The following SNHG17 variants were observed in gnomAD, a reference collection of about 807,000 sequenced individuals.
The protein encoded by SNHG17 is small nucleolar RNA host gene 17.
At chr20:38,432,107 CT>C (rs1568864423) in intron 2 of SNHG17, 1 of 985,448 alleles carries the variant, frequency 1.0e-6, no homozygotes, top group Non-Finnish European at 1.2e-6. Context: ...GATGAGCTAT[CT>C]AGACATCACC....
intron 5 of SNHG17, among the ~76,000 whole-genome samples, chr20:38,423,083 A>T (rs2084185725): frequency 6.8e-6 from 1 of 146,370 alleles, no homozygotes; most frequent in Non-Finnish European, 1.5e-5. Context: ...CAAGAGCAAA[A>T]CTCCATCTCA....
intron 2 of SNHG17, among the ~76,000 whole-genome samples, chr20:38,433,410 A>C (rs1406378607): frequency 6.6e-6 from 1 of 152,162 alleles, no homozygotes; most frequent in Non-Finnish European, 1.5e-5. Flanking sequence ...ACTTTGGAAG[A>C]CTGAGGGAAA....
chr20:38,421,962 G>C (rs1319124422), intron 6 of SNHG17: 2 of 152,292 alleles, frequency 1.3e-5, no homozygotes, highest in Non-Finnish European at 2.9e-5. Flanking sequence ...AAAAGGTCAG[G>C]AGCATATGGT....
chr20:38,433,246 G>C (rs981993722), intron 2 of SNHG17, among the ~76,000 whole-genome samples: 1 of 152,160 alleles, frequency 6.6e-6, no homozygotes, highest in Non-Finnish European at 1.5e-5. Context: ...AGAGTGCTGG[G>C]ATTACAGGTG....
At chr20:38,429,782 A>G (rs762584420) in intron 3 of SNHG17, 2 of 517,710 alleles carry the variant, frequency 3.9e-6, no homozygotes, top group South Asian at 2.8e-5. Flanking sequence ...CGGGCAGCTC[A>G]TGATCACTTT....
chr20:38,431,613 G>A (rs2084343362), intron 2 of SNHG17, among the ~76,000 whole-genome samples: 1 of 152,122 alleles, frequency 6.6e-6, no homozygotes, highest in Non-Finnish European at 1.5e-5. Context: ...AGATAGGGAC[G>A]GTGTGATCCT....
intron 3 of SNHG17, among the ~76,000 whole-genome samples, chr20:38,430,321 G>GAAAATA (rs1250389090): frequency 2.7e-5 from 4 of 147,110 alleles, no homozygotes; most frequent in African/African-American, 1.0e-4. Context: ...CGTCTCAAAA[G>GAAAATA]AAAATAAAAA....
intron 3 of SNHG17, among the ~76,000 whole-genome samples, chr20:38,430,351 C>T (rs2084321666): frequency 1.3e-5 from 2 of 151,574 alleles, no homozygotes; most frequent in South Asian, 2.1e-4. Flanking sequence ...AAAAATAGGC[C>T]GGGCACAGTG....
chr20:38,432,133 C>A, intron 2 of SNHG17: 1 of 985,440 alleles, frequency 1.0e-6, no homozygotes, highest in Non-Finnish European at 1.2e-6. Flanking sequence ...CAAACCCGTT[C>A]TGGAAAGGAC....
chr20:38,435,050 A>C, intron 1 of SNHG17: 1 of 1,231,680 alleles, frequency 8.1e-7, no homozygotes, highest in Non-Finnish European at 1.0e-6. Flanking sequence ...TCCCGAGGAC[A>C]CGCGAATCCT....
chr20:38,425,281 A>T, intron 5 of SNHG17: 1 of 519,192 alleles, frequency 1.9e-6, no homozygotes, highest in South Asian at 1.4e-5. Flanking sequence ...CTCTCCCTGC[A>T]CTATCAATGA....
chr20:38,432,764 A>C (rs1330789868), intron 2 of SNHG17, among the ~76,000 whole-genome samples: 1 of 152,238 alleles, frequency 6.6e-6, no homozygotes, highest in Admixed American at 6.5e-5. Context: ...ATGCAGTAGC[A>C]CAATCTCGGC....
At position 38,432,328 on chromosome 20, in the gene SNHG17, G is replaced by A. The variant is rs551865450; in HGVS notation, n.309-1216C>T. Among the ~76,000 whole-genome samples, 141 of 152,276 alleles carry A rather than the reference G, an allele frequency of 9.3e-4. 1 individual carries two copies. In the South Asian group the frequency reaches 0.028, roughly 30 times the overall value. ...ATTTGTGATCCTGAAGCAGTACACT[G>A]AAGGGGACTCTGAACCTAGGACAGG... On this transcript the variant is annotated intron_variant and non_coding_transcript_variant, in intron 2 of 8. Coordinates refer to ENST00000654008, the Ensembl canonical transcript of SNHG17.
At chr20:38,425,251 G>T (rs1276323830) in intron 5 of SNHG17, 1 of 519,164 alleles carries the variant, frequency 1.9e-6, no homozygotes, top group South Asian at 1.4e-5. Context: ...TCAAACACGG[G>T]GAAGCGCTTT....
intron 1 of SNHG17, chr20:38,435,061 G>C: frequency 8.1e-7 from 1 of 1,230,226 alleles, no homozygotes; most frequent in South Asian, 4.1e-5. Context: ...CGCGAATCCT[G>C]GGGGGCTCAC....
At chr20:38,425,449 A>C (rs1449180502) in intron 5 of SNHG17, 2 of 414,912 alleles carry the variant, frequency 4.8e-6, no homozygotes, top group Admixed American at 2.8e-5. Flanking sequence ...GAATTGCAGC[A>C]GCTGCTTCTG....
chr20:38,435,198 CG>C (rs879621678), exon 1 of SNHG17: 55 of 1,231,978 alleles, frequency 4.5e-5, no homozygotes, highest in Non-Finnish European at 5.4e-5. Context: ...TGGACTCACC[CG>C]GCGCCCTGGC....
At chr20:38,427,238 C>A (rs562419086) in intron 3 of SNHG17, 4 of 416,012 alleles carry the variant, frequency 9.6e-6, no homozygotes, top group Admixed American at 2.5e-5. Flanking sequence ...GATGCCCCCC[C>A]GCACTGACTT....
At chr20:38,426,000 G>A (rs1222197969) in exon 5 of SNHG17, 1 of 146,582 alleles carries the variant, frequency 6.8e-6, no homozygotes, top group Non-Finnish European at 1.5e-5. Flanking sequence ...AGGCTGCAGT[G>A]AGCCATCATT....
Sources: allele counts gnomAD v4.1 joint callset (sites outside exome capture counted in the v4.1 genomes callset), GRCh38; gene constraint gnomAD v4.1.1; transcripts MANE v1.5; gene names NCBI Gene and HGNC (gene_info 2026-07-23, HGNC 2026-07-21).